Variants in ACAD10 observed in about 807,000 individuals in gnomAD.
The protein encoded by ACAD10 is acyl-CoA dehydrogenase family member 10.
Under a neutral mutation model 116.8 loss-of-function variants are expected in ACAD10, and 112 were observed. That is an observed-to-expected ratio of 0.96 (90% CI 0.82 to 1.12). The LOEUF is 1.12. ACAD10 is among the 50% of genes most tolerant of loss of function. The pLI is 0.00. For synonymous variants in ACAD10, 486 were observed against 510.6 expected (o/e 0.95, Z 0.65); for missense variants, 1,259 against 1,350.2 (o/e 0.93, Z 1.06).
intron 8 of ACAD10, among the ~76,000 whole-genome samples, chr12:111,726,356 G>T (rs756842202): frequency 3.9e-5 from 6 of 151,992 alleles, no homozygotes; most frequent in Admixed American, 6.6e-5. Flanking sequence ...CTGCTGGGTG[G>T]TATATACACC....
At chr12:111,730,015 T>G (rs1889343410) in intron 10 of ACAD10, 59 bp downstream of exon 10, 1 of 1,571,186 alleles carries the variant, frequency 6.4e-7, no homozygotes, top group African/African-American at 1.4e-5. Context: ...AAGGGGGAAT[T>G]GAGCAATTGG....
At chr12:111,748,511 G>T (rs1481352424) in intron 17 of ACAD10, 36 bp downstream of exon 17, 1 of 1,609,282 alleles carries the variant, frequency 6.2e-7, no homozygotes, top group Non-Finnish European at 8.5e-7. Context: ...CCTGGGTGTG[G>T]GTCTGGTCCC....
chr12:111,743,696 A>C (rs150311449), intron 12 of ACAD10, among the ~76,000 whole-genome samples: 4 of 152,192 alleles, frequency 2.6e-5, no homozygotes, highest in African/African-American at 9.6e-5. Context: ...TAAGACTTGC[A>C]GAGTTCTACA....
chr12:111,746,317 G>T (rs377736853), intron 14 of ACAD10, 33 bp downstream of exon 14: 1 of 1,597,478 alleles, frequency 6.3e-7, no homozygotes, highest in South Asian at 1.1e-5. Flanking sequence ...CAGTGTGTGG[G>T]AACATCCTGA....
In ACAD10 at chr12:111,755,673, A is replaced by G; in HGVS notation, c.2967A>G (p.Ala989=). The G allele has an allele frequency of 1.2e-6, 2 of 1,613,730 alleles. No individual in the cohort carries two copies. The highest frequency in any genetic ancestry group is 2.2e-5 in the South Asian group (2 of 91,070). The change falls in exon 20 of 21, where the codon GCA becomes GCG. Residue 989 remains alanine, a synonymous_variant. Coordinates refer to ENST00000313698, the MANE Select transcript of ACAD10 (RefSeq NM_025247.6). ...HLMDLAGNKA[A]ALDIAMIKMV... The stretch of plus-strand genomic sequence containing the variant: ...GCATCTCCTCCTCCTTACAGGCTGC[A>G]GCCTTGGATATAGCCATGATTAAAA...
rs1172077480 is a variant in ACAD10, at chr12:111,756,430, A to G, written c.3137A>G (p.His1046Arg). The change falls in exon 21 of 21, where the codon CAC becomes CGC. Residue 1046 changes from histidine (H) to arginine (R), a missense_variant. Coordinates refer to ENST00000313698, the MANE Select transcript of ACAD10 (RefSeq NM_025247.6). ...LRFADGPDEV[H>R]RATVAKLELK... ...TTTGCCGACGGCCCTGACGAGGTGC[A>G]CCGGGCCACGGTGGCCAAGCTAGAG... is the stretch of plus-strand genomic sequence containing the variant. 5.6e-6 allele frequency: 9 copies of G among 1,612,650 alleles called. No individual in the cohort carries two copies. Among genetic ancestry groups the G allele is most frequent in the Admixed American group, 3.3e-5 (2 of 59,762 alleles).
chr12:111,695,060 A>G (rs1355666568), intron 2 of ACAD10, among the ~76,000 whole-genome samples: 8 of 152,194 alleles, frequency 5.3e-5, no homozygotes, highest in Admixed American at 5.2e-4. Flanking sequence ...TAAAGCATAG[A>G]TCTTGTTCCT....
In ACAD10 at chr12:111,705,728, C is replaced by T; in HGVS notation, c.337-10C>T. 1 of 1,612,888 alleles carries T rather than the reference C, an allele frequency of 6.2e-7. No individual in the cohort carries two copies. Among genetic ancestry groups the T allele is most frequent in the African/African-American group, 1.3e-5 (1 of 74,956 alleles). On this transcript the variant is annotated splice_polypyrimidine_tract_variant and intron_variant, in intron 3 of 20. Transcript: ENST00000313698. Reference sequence around the variant, plus strand: ...GATTGCTGTTCTCCTGTGCCCTCTCCTGTTCTTAGTTAAAGACCTCCGTGC... The same window carrying T: ...GATTGCTGTTCTCCTGTGCCCTCTCTTGTTCTTAGTTAAAGACCTCCGTGC...
Position 111,692,813 on chromosome 12 carries a change from C to A in ACAD10, c.104C>A (p.Thr35Lys). The A allele has an allele frequency of 6.2e-7, 1 of 1,614,200 alleles. No homozygotes were observed. The highest frequency in any genetic ancestry group is 8.5e-7 in the Non-Finnish European group (1 of 1,180,038). The change falls in exon 2 of 21, where the codon ACA becomes AAA. Residue 35 changes from threonine to lysine, a missense_variant. Physicochemically the swap from Thr to Lys is moderately conservative, Grantham distance 78. Coordinates refer to ENST00000313698, the MANE Select transcript of ACAD10 (RefSeq NM_025247.6). ...QRRHQGSHRW[T>K]HLGGSTYRAV... ...AGGCACCAGGGGTCCCACCGATGGACACACCTTGGAGGCAGCACCTACAGA... is the reference window on the plus strand; with the variant it reads ...AGGCACCAGGGGTCCCACCGATGGAAACACCTTGGAGGCAGCACCTACAGA...
intron 3 of ACAD10, 78 bp from the exon 4 acceptor site, chr12:111,705,660 C>A: frequency 4.5e-6 from 6 of 1,319,668 alleles, no homozygotes; most frequent in South Asian, 1.4e-5. Context: ...CAGGAATAAG[C>A]ATTTTTTTTT....
At chr12:111,690,572 G>C (rs1888009411) in intron 1 of ACAD10, 1 of 151,848 alleles carries the variant, frequency 6.6e-6, no homozygotes, top group Non-Finnish European at 1.5e-5. Context: ...ATCACCTGAG[G>C]TCAGGAGTTT....
chr12:111,747,825 C>A (rs976026790), intron 16 of ACAD10: 5 of 925,396 alleles, frequency 5.4e-6, no homozygotes, highest in Non-Finnish European at 6.5e-6. Flanking sequence ...GCTTACCTCC[C>A]GGAGCCCATA....
intron 8 of ACAD10, among the ~76,000 whole-genome samples, chr12:111,726,741 G>GT (rs1159737949): frequency 3.3e-5 from 5 of 152,110 alleles, no homozygotes; most frequent in Non-Finnish European, 5.9e-5. Context: ...CATACCTGTA[G>GT]TTTCAGCTAT....
chr12:111,720,878 G>A (rs956765405), intron 7 of ACAD10, among the ~76,000 whole-genome samples: 3 of 151,978 alleles, frequency 2.0e-5, no homozygotes, highest in African/African-American at 7.3e-5. Context: ...CCGCCTCCTG[G>A]GTTCAAGTGA....
At chr12:111,723,710 C>T (rs1350290395) in intron 8 of ACAD10, among the ~76,000 whole-genome samples, 5 of 147,530 alleles carry the variant, frequency 3.4e-5, no homozygotes, top group East Asian at 2.2e-4. Context: ...CCCTCCCGGA[C>T]GGGGTGGCTG....
chr12:111,738,443 T>C, intron 12 of ACAD10, among the ~76,000 whole-genome samples: 1 of 127,920 alleles, frequency 7.8e-6, no homozygotes, highest in Admixed American at 8.4e-5. Flanking sequence ...TGAGACTCTG[T>C]CTCAAAAAAA....
intron 11 of ACAD10, among the ~76,000 whole-genome samples, chr12:111,735,755 C>T (rs1007600810): frequency 1.3e-5 from 2 of 151,520 alleles, no homozygotes; most frequent in African/African-American, 2.4e-5. Flanking sequence ...GCGCCTGGCC[C>T]GTGAAATTAT....
At chr12:111,752,732 T>C (rs1890108572) in intron 18 of ACAD10, 1 of 152,018 alleles carries the variant, frequency 6.6e-6, no homozygotes, top group Admixed American at 6.6e-5. Flanking sequence ...TAACTAGTGG[T>C]GACTAGATGG....
intron 10 of ACAD10, among the ~76,000 whole-genome samples, chr12:111,730,335 C>T (rs1373513336): frequency 6.6e-6 from 1 of 152,124 alleles, no homozygotes; most frequent in Non-Finnish European, 1.5e-5. Flanking sequence ...AGTCTATGGC[C>T]ATACCACCCT....
Sources: allele counts gnomAD v4.1 joint callset (sites outside exome capture counted in the v4.1 genomes callset), GRCh38; gene constraint gnomAD v4.1.1; transcripts MANE v1.5; gene names NCBI Gene and HGNC (gene_info 2026-07-23, HGNC 2026-07-21).